Variants in PCLO observed in about 807,000 individuals in gnomAD.
PCLO encodes the protein piccolo presynaptic cytomatrix protein, also known as protein piccolo.
Under a neutral mutation model 427.5 loss-of-function variants are expected in PCLO, and 82 were observed. The ratio of observed to expected loss-of-function variants is 0.19; its 90% CI spans 0.16 to 0.23. The LOEUF (loss-of-function observed/expected upper bound fraction) is 0.23, where lower values mean the gene tolerates loss of function less well. PCLO is among the 10% of genes least tolerant of loss of function. The pLI is 1.00. For synonymous variants in PCLO, 2,357 were observed against 2,155.4 expected, an observed-to-expected ratio of 1.09 and a Z score of -2.59; for missense variants, 6,239 against 6,115.9, an observed-to-expected ratio of 1.02 and a Z score of -0.67.
chr7:83,011,762 TAC>T (rs1489777064), intron 3 of PCLO, among the ~76,000 whole-genome samples: 6 of 151,502 alleles, frequency 4.0e-5, no homozygotes, highest in South Asian at 2.1e-4. Context: ...CACAGACACA[TAC>T]ACACACACAG....
chr7:82,968,721 T>C (rs1037416144), intron 3 of PCLO, among the ~76,000 whole-genome samples: 7 of 152,040 alleles, frequency 4.6e-5, no homozygotes, highest in Admixed American at 2.0e-4. Context: ...GGTTTCACCA[T>C]GTTACCTAGG....
At position 82,754,455 on chromosome 7, in the gene PCLO, C is replaced by A. The variant is rs1790276150; in HGVS notation, c.*4120G>T. 1 of 152,030 alleles carries A rather than the reference C, an allele frequency of 6.6e-6. No homozygotes were observed. The highest frequency in any genetic ancestry group is 1.5e-5 in the Non-Finnish European group (1 of 67,940). The allele number at this position is 152,030 out of a possible 1,614,324, so 9.4% of individuals were successfully genotyped here. A position where few individuals can be genotyped will look rare whatever the true frequency, so the allele number is the denominator to read the frequency against. On this transcript the variant is annotated 3_prime_UTR_variant, in exon 25 of 25. Coordinates refer to ENST00000333891, the MANE Select transcript of PCLO (RefSeq NM_033026.6). Reference sequence around the variant, plus strand: ...TTAGGATATTAGCACACACATTAATCAGTAGTGGGAGCACCTGAGCACGTC... The same window carrying A: ...TTAGGATATTAGCACACACATTAATAAGTAGTGGGAGCACCTGAGCACGTC...
Position 83,076,318 on chromosome 7 carries a change from G to A in PCLO, c.3300+57932C>T, listed in dbSNP as rs535048835. Among the ~76,000 whole-genome samples, 10 of 151,644 alleles carry A rather than the reference G, an allele frequency of 6.6e-5. No homozygotes were observed. In the East Asian group the frequency reaches 7.8e-4, roughly 12 times the overall value. On this transcript the variant is annotated intron_variant, in intron 3 of 24. Transcript: ENST00000333891. The stretch of plus-strand genomic sequence containing the variant: ...GGACTTTTGCTCTGGTGCCCAGGGC[G>A]GAGTGCAGTGGCAAGATCTCTGCAA...
chr7:82,960,667 A>G (rs1452929907), intron 4 of PCLO, among the ~76,000 whole-genome samples: 1 of 152,212 alleles, frequency 6.6e-6, no homozygotes, highest in African/African-American at 2.4e-5. Context: ...CTTCAGGATT[A>G]ATTTTAATGC....
rs544531244 is a variant in PCLO at position 83,073,016 on chromosome 7, C to T, written c.3300+61234G>A. On this transcript the variant is annotated intron_variant, in intron 3 of 24. Coordinates refer to ENST00000333891, the MANE Select transcript of PCLO (RefSeq NM_033026.6). Reference sequence around the variant, plus strand: ...CTCTGTCTGTTTTACTAGTCTATTACCTTCAAAATTTCATCTCCACCATGC... The same window carrying T: ...CTCTGTCTGTTTTACTAGTCTATTATCTTCAAAATTTCATCTCCACCATGC... Among the ~76,000 whole-genome samples the T allele has an allele frequency of 2.0e-5, 3 of 151,952 alleles. No homozygotes were observed. The South Asian group carries it at 6.2e-4, about 32-fold the overall frequency.
chr7:83,094,686 C>T (rs535777687), intron 3 of PCLO, among the ~76,000 whole-genome samples: 69 of 152,224 alleles, frequency 4.5e-4, no homozygotes, highest in Middle Eastern at 6.8e-3. Context: ...AGAAAAAAAG[C>T]TGCTATAAAT....
In PCLO at chr7:83,096,912, T is replaced by C. The variant is rs1322083564; in HGVS notation, c.3300+37338A>G. Among the ~76,000 whole-genome samples, 2 of 66,234 alleles carry C rather than the reference T, an allele frequency of 3.0e-5. 1 individual carries two copies. The highest frequency in any genetic ancestry group is 1.8e-4 in the African/African-American group (2 of 10,812). 43.5% of individuals were successfully genotyped at this position (66,234 alleles called of 152,430 possible). A position where few individuals can be genotyped will look rare whatever the true frequency, so the allele number is the denominator to read the frequency against. On this transcript the variant is annotated intron_variant, in intron 3 of 24. Transcript: ENST00000333891. ...TATAATATATTAATATTATATTATCTAAATATATATAATATAATATAATAT... is the reference window on the plus strand; with the variant it reads ...TATAATATATTAATATTATATTATCCAAATATATATAATATAATATAATAT...
At chr7:82,833,435 C>T (rs570004669) in intron 16 of PCLO, among the ~76,000 whole-genome samples, 1 of 152,220 alleles carries the variant, frequency 6.6e-6, no homozygotes, top group African/African-American at 2.4e-5. Flanking sequence ...CAGACCTTTT[C>T]CTAGTCATTC....
rs1013449597 is a variant in PCLO at position 82,955,509 on chromosome 7, C to A, written c.5444G>T (p.Arg1815Leu). 6.2e-7 allele frequency: 1 copy of A among 1,613,640 alleles called. No individual in the cohort carries two copies. Among genetic ancestry groups the A allele is most frequent in the African/African-American group, 1.3e-5 (1 of 74,850 alleles). ...TGGCCTTTCCCTTCTTCTCTGAGCTCGAAGTTCATCTTTGTCTTTCTTTGA... is the reference window on the plus strand; with the variant it reads ...TGGCCTTTCCCTTCTTCTCTGAGCTAGAAGTTCATCTTTGTCTTTCTTTGA... ...KKSKKDKDEL[R>L]AQRRRERPKT... The change falls in exon 5 of 25, where the codon CGA becomes CTA. Residue 1815 changes from arginine (R) to leucine (L), a missense_variant. Physicochemically the swap from Arg to Leu is moderately radical, Grantham distance 102. Around this residue, in one of 5 missense-constraint regions of PCLO, gnomAD observed 4,677 missense variants for 4,468.4 expected, o/e 1.05. Coordinates refer to ENST00000333891, the MANE Select transcript of PCLO (RefSeq NM_033026.6).
rs960139219 is a variant in PCLO, at chr7:82,756,962, T to C, written c.*1613A>G. The C allele has an allele frequency of 6.6e-6, 1 of 152,120 alleles. No individual in the cohort carries two copies. The highest frequency in any genetic ancestry group is 6.6e-5 in the Admixed American group (1 of 15,254). The allele number at this position is 152,120 out of a possible 1,614,324, so 9.4% of individuals were successfully genotyped here. A position where few individuals can be genotyped will look rare whatever the true frequency, so the allele number is the denominator to read the frequency against. ...TAGATGATGTTTTTCACATATAAAA[T>C]TTGAGAATTAAAAAGATATGTAATA... On this transcript the variant is annotated 3_prime_UTR_variant, in exon 25 of 25. Coordinates refer to ENST00000333891, the MANE Select transcript of PCLO (RefSeq NM_033026.6).
chr7:83,162,031 A>T (rs1213915632), intron 1 of PCLO, among the ~76,000 whole-genome samples: 1 of 152,252 alleles, frequency 6.6e-6, no homozygotes, highest in Non-Finnish European at 1.5e-5. Flanking sequence ...GAAGACTTCC[A>T]GATTAGTAAA....
At chr7:82,905,501 G>C (rs985403275) in intron 8 of PCLO, among the ~76,000 whole-genome samples, 3 of 151,934 alleles carry the variant, frequency 2.0e-5, no homozygotes, top group African/African-American at 7.3e-5. Context: ...GGAATACAGA[G>C]CTGCTGCTCT....
intron 3 of PCLO, among the ~76,000 whole-genome samples, chr7:83,056,425 T>C (rs1789380884): frequency 6.6e-6 from 1 of 152,298 alleles, no homozygotes; most frequent in Admixed American, 6.5e-5. Flanking sequence ...TGTTTTTATA[T>C]ATAATTGCCC....
chr7:82,779,454 T>C (rs1198904780), intron 22 of PCLO, among the ~76,000 whole-genome samples: 1 of 152,190 alleles, frequency 6.6e-6, no homozygotes, highest in Non-Finnish European at 1.5e-5. Flanking sequence ...TGTCTTTTAT[T>C]TGATGATTTA....
chr7:82,883,953 T>C (rs901083910), intron 9 of PCLO, among the ~76,000 whole-genome samples: 2 of 152,036 alleles, frequency 1.3e-5, no homozygotes, highest in Admixed American at 1.3e-4. Flanking sequence ...GTACTTTTGG[T>C]AGACAGGGGT....
chr7:82,980,279 CT>C (rs1466066849), intron 3 of PCLO, among the ~76,000 whole-genome samples: 1 of 152,136 alleles, frequency 6.6e-6, no homozygotes, highest in African/African-American at 2.4e-5. Context: ...ATGTGGAATG[CT>C]TTATTTTCAC....
intron 8 of PCLO, among the ~76,000 whole-genome samples, chr7:82,908,415 G>T (rs1031522521): frequency 2.6e-5 from 4 of 151,978 alleles, no homozygotes; most frequent in African/African-American, 4.8e-5. Flanking sequence ...CCATATAATA[G>T]ATCCACTAAA....
rs1275728292 is a variant in PCLO, at chr7:82,916,136, A to G, written c.11850T>C (p.Tyr3950=). Reference sequence around the variant, plus strand: ...TCACCATCATCTGTGAAGGTAACTGATAAGAAGGCTGTGGGGTTGGTGTAG... The same window carrying G: ...TCACCATCATCTGTGAAGGTAACTGGTAAGAAGGCTGTGGGGTTGGTGTAG... The part of the protein sequence containing the change: ...VQPTPTPQPS[Y]QLPSQMMVIQ... Residue 3950 remains tyrosine (Y), a synonymous_variant, in exon 7 of 25, where the codon TAT becomes TAC. Coordinates refer to ENST00000333891, the MANE Select transcript of PCLO (RefSeq NM_033026.6). The G allele has an allele frequency of 6.2e-7, 1 of 1,613,624 alleles. No homozygotes were observed.
chr7:82,954,775 C>T lies in PCLO; in HGVS notation c.6178G>A (p.Asp2060Asn). The change falls in exon 5 of 25, where the codon GAT becomes AAT. Residue 2060 changes from aspartate (D) to asparagine (N), a missense_variant. By Grantham distance (23) the Asp-to-Asn change is conservative (BLOSUM62 1). Around this residue, in one of 5 missense-constraint regions of PCLO, gnomAD observed 4,677 missense variants for 4,468.4 expected, o/e 1.05. Transcript: ENST00000333891. ...AGTTCTTCATAGGCAGCATCAGCAT[C>T]TAGTAGTTTCCTTTCTTCTTCTGTA... ...TSTEEERKLL[D>N]ADAAYEELMK... is the part of the protein sequence containing the mutation. The T allele has an allele frequency of 6.2e-7, 1 of 1,613,816 alleles. No individual in the cohort carries two copies. The highest frequency in any genetic ancestry group is 8.5e-7 in the Non-Finnish European group (1 of 1,179,824).
Sources: gnomAD v4.1 joint callset for allele counts (sites outside exome capture counted in the v4.1 genomes callset) on GRCh38, gnomAD v4.1.1 for gene constraint, gnomAD v4.1.1 regional missense constraint, MANE v1.5 for transcripts, NCBI Gene and HGNC (gene_info 2026-07-23, HGNC 2026-07-21) for gene names.